Variants in CNTN5 observed in about 807,000 individuals in gnomAD.
The protein encoded by CNTN5 is contactin 5.
In CNTN5, 77 loss-of-function variants were observed where a neutral mutation model predicts 129.1. That is an observed-to-expected ratio of 0.60 (90% confidence interval 0.50 to 0.72). The LOEUF (loss-of-function observed/expected upper bound fraction) is 0.72. Ranked by LOEUF, CNTN5 falls within the 30% of genes least tolerant of loss-of-function variation. The probability of loss-of-function intolerance (pLI) is 0.00; values close to 1 mark genes in which losing one functional copy is unlikely to be tolerated. For synonymous variants in CNTN5, 509 were observed against 465.6 expected (o/e 1.09, Z -1.20); for missense variants, 1,478 against 1,328.8 (o/e 1.11, Z -1.75).
At position 99,755,437 on chromosome 11, in the gene CNTN5, C is replaced by T. The variant is rs79413425; in HGVS notation, c.56-64107C>T. ...GGGCATTGTAAAAGGTATGTAGTTGCGTCCCATTGTTGTTTTACTTTGTAA... is the reference window on the plus strand; with the variant it reads ...GGGCATTGTAAAAGGTATGTAGTTGTGTCCCATTGTTGTTTTACTTTGTAA... On this transcript the variant is annotated intron_variant, in intron 3 of 24. Transcript: ENST00000524871. Among the ~76,000 whole-genome samples the T allele has an allele frequency of 9.6e-3, 1,461 of 152,140 alleles. 30 individuals are homozygous for T. The highest frequency in any genetic ancestry group is 0.033 in the African/African-American group (1,376 of 41,524).
chr11:100,052,288 A>T (rs1943000308), intron 9 of CNTN5, among the ~76,000 whole-genome samples: 1 of 151,812 alleles, frequency 6.6e-6, no homozygotes, highest in Non-Finnish European at 1.5e-5. Context: ...AAGAGACTAA[A>T]ATATTTCCCC....
chr11:100,242,456 T>G (rs1419295904), intron 16 of CNTN5, among the ~76,000 whole-genome samples: 1 of 152,130 alleles, frequency 6.6e-6, no homozygotes, highest in African/African-American at 2.4e-5. Context: ...AGAAAAGTGG[T>G]TTAATTGGCT....
chr11:99,621,654 T>A (rs1950954917), intron 3 of CNTN5, among the ~76,000 whole-genome samples: 1 of 152,226 alleles, frequency 6.6e-6, no homozygotes, highest in Non-Finnish European at 1.5e-5. Context: ...GGTAATATTT[T>A]TCATTGGTAA....
intron 3 of CNTN5, among the ~76,000 whole-genome samples, chr11:99,593,700 CA>C (rs1950044197): frequency 6.6e-6 from 1 of 152,268 alleles, no homozygotes; most frequent in East Asian, 1.9e-4. Context: ...TTCCCATCAA[CA>C]AAATCCCACC....
intron 2 of CNTN5, among the ~76,000 whole-genome samples, chr11:99,374,641 G>T (rs550442130): frequency 4.6e-5 from 7 of 152,146 alleles, no homozygotes; most frequent in African/African-American, 1.7e-4. Flanking sequence ...TCCAGATCGC[G>T]TCACTGCACT....
intron 3 of CNTN5, 105 bp from the exon 4 acceptor site, chr11:99,819,439 T>A: frequency 1.1e-6 from 1 of 927,576 alleles, no homozygotes; most frequent in Non-Finnish European, 1.6e-6. Flanking sequence ...TGCTTGCAGC[T>A]CCAAAGAAGG....
intron 3 of CNTN5, among the ~76,000 whole-genome samples, chr11:99,768,656 G>T (rs1944839725): frequency 6.6e-6 from 1 of 152,066 alleles, no homozygotes; most frequent in Non-Finnish European, 1.5e-5. Flanking sequence ...TAACTATTTT[G>T]ATAAAAAATG....
At position 99,674,844 on chromosome 11, in the gene CNTN5, T is replaced by A. The variant is rs535628468; in HGVS notation, c.55+118575T>A. Reference sequence around the variant, plus strand: ...CTTTGAACCTCTGAAACCAATGAATTCTGTTTCCAAGAAGCTTATATAAAC... The same window carrying A: ...CTTTGAACCTCTGAAACCAATGAATACTGTTTCCAAGAAGCTTATATAAAC... On this transcript the variant is annotated intron_variant, in intron 3 of 24. Coordinates refer to ENST00000524871, the MANE Select transcript of CNTN5 (RefSeq NM_014361.4). Among the ~76,000 whole-genome samples, 11 of 152,244 alleles carry A rather than the reference T, an allele frequency of 7.2e-5. No individual in the cohort carries two copies. In the East Asian group the frequency reaches 1.9e-3, roughly 27 times the overall value.
intron 1 of CNTN5, among the ~76,000 whole-genome samples, chr11:99,166,693 T>G (rs1860889584): frequency 6.6e-6 from 1 of 152,002 alleles, no homozygotes; most frequent in Admixed American, 6.6e-5. Context: ...GTTATACAGC[T>G]GACACAGTAA....
At chr11:99,784,050 C>G (rs1945417905) in intron 3 of CNTN5, among the ~76,000 whole-genome samples, 1 of 152,032 alleles carries the variant, frequency 6.6e-6, no homozygotes, top group African/African-American at 2.4e-5. Context: ...ATACTCTAGT[C>G]ACTACTCAAA....
intron 2 of CNTN5, among the ~76,000 whole-genome samples, chr11:99,418,044 G>A (rs1226111370): frequency 6.6e-6 from 1 of 152,088 alleles, no homozygotes; most frequent in Non-Finnish European, 1.5e-5. Flanking sequence ...ACTGCTCAAG[G>A]TTTTTAAAGT....
At chr11:99,775,221 C>T (rs556302558) in intron 3 of CNTN5, among the ~76,000 whole-genome samples, 2 of 152,172 alleles carry the variant, frequency 1.3e-5, no homozygotes, top group Admixed American at 1.3e-4. Flanking sequence ...CGTAGTTTCC[C>T]ATTTCCAATG....
intron 7 of CNTN5, among the ~76,000 whole-genome samples, chr11:99,934,173 C>G (rs140518041): frequency 1.1e-3 from 170 of 152,274 alleles, no homozygotes; most frequent in African/African-American, 4.0e-3. Flanking sequence ...AGTTAGCATT[C>G]TTTCCATTTC....
chr11:99,399,520 C>T (rs983031518), intron 2 of CNTN5, among the ~76,000 whole-genome samples: 3 of 151,642 alleles, frequency 2.0e-5, no homozygotes, highest in Admixed American at 6.6e-5. Context: ...GACTACCTCA[C>T]ACATTATCTA....
intron 17 of CNTN5, among the ~76,000 whole-genome samples, chr11:100,262,892 A>C (rs1293951367): frequency 1.3e-5 from 2 of 152,158 alleles, no homozygotes; most frequent in African/African-American, 2.4e-5. Flanking sequence ...TTCCTATGTA[A>C]CAAACCTGCA....
intron 2 of CNTN5, among the ~76,000 whole-genome samples, chr11:99,453,979 T>G (rs1364664527): frequency 6.6e-6 from 1 of 152,180 alleles, no homozygotes; most frequent in Non-Finnish European, 1.5e-5. Flanking sequence ...TTTCTTCAGT[T>G]GATTTAGTAT....
At chr11:99,385,297 CA>C in intron 2 of CNTN5, among the ~76,000 whole-genome samples, 1 of 152,202 alleles carries the variant, frequency 6.6e-6, no homozygotes, top group East Asian at 1.9e-4. Flanking sequence ...AACGTCTTCT[CA>C]ACCCCTGAAA....
chr11:100,285,393 C>A (rs143668017), intron 18 of CNTN5, among the ~76,000 whole-genome samples: 3 of 152,254 alleles, frequency 2.0e-5, no homozygotes, highest in South Asian at 2.1e-4. Flanking sequence ...ACTAGAACAA[C>A]AGGAGAGTCA....
intron 21 of CNTN5, chr11:100,337,030 A>G: frequency 1.1e-6 from 1 of 913,608 alleles, no homozygotes; most frequent in Non-Finnish European, 1.8e-6. Flanking sequence ...TGCCACTTTG[A>G]TTGATGAAGT....
Sources: gnomAD v4.1 joint callset for allele counts (sites outside exome capture counted in the v4.1 genomes callset) on GRCh38, gnomAD v4.1.1 for gene constraint, MANE v1.5 for transcripts, NCBI Gene and HGNC (gene_info 2026-07-23, HGNC 2026-07-21) for gene names.